The following SETBP1 variants were observed in gnomAD, a reference collection of about 807,000 sequenced individuals.
The protein encoded by SETBP1 is SET-binding protein.
In SETBP1, 9 loss-of-function variants were observed where a neutral mutation model predicts 101.0. The ratio of observed to expected loss-of-function variants is 0.09; its 90% CI spans 0.05 to 0.16. SETBP1 has a LOEUF of 0.16. Ranked by LOEUF, SETBP1 falls within the 10% of genes least tolerant of loss-of-function variation. The probability of loss-of-function intolerance (pLI) is 1.00; values close to 1 mark genes in which losing one functional copy is unlikely to be tolerated. For synonymous variants in SETBP1, 818 were observed against 788.5 expected (o/e 1.04, Z -0.63); for missense variants, 1,858 against 2,033.8 (o/e 0.91, Z 1.66).
At chr18:44,855,701 C>G (rs1237347917) in intron 2 of SETBP1, among the ~76,000 whole-genome samples, 2 of 152,334 alleles carry the variant, frequency 1.3e-5, no homozygotes, top group South Asian at 4.1e-4. Context: ...GTGATTCCCC[C>G]ACCCAGAGAG....
intron 3 of SETBP1, among the ~76,000 whole-genome samples, chr18:44,893,447 A>G (rs2069818537): frequency 6.6e-6 from 1 of 152,158 alleles, no homozygotes; most frequent in African/African-American, 2.4e-5. Context: ...GAGAGGTGAG[A>G]TGCAAACACA....
chr18:45,061,116 T>A (rs901301792), intron 5 of SETBP1, among the ~76,000 whole-genome samples: 2 of 152,264 alleles, frequency 1.3e-5, no homozygotes, highest in Non-Finnish European at 2.9e-5. Context: ...TACTACTGAC[T>A]AGTTGCCATT....
chr18:44,862,290 G>C (rs2069031147), intron 2 of SETBP1, among the ~76,000 whole-genome samples: 1 of 152,336 alleles, frequency 6.6e-6, no homozygotes, highest in South Asian at 2.1e-4. Flanking sequence ...CTTGCTTGGA[G>C]TTATGTACAA....
chr18:44,755,581 T>A (rs1233606804), intron 2 of SETBP1, among the ~76,000 whole-genome samples: 1 of 152,050 alleles, frequency 6.6e-6, no homozygotes, highest in East Asian at 1.9e-4. Flanking sequence ...TTCCCAGGCC[T>A]TAGGCTTCAG....
chr18:44,959,844 G>T (rs948399272), intron 4 of SETBP1, among the ~76,000 whole-genome samples: 2 of 152,212 alleles, frequency 1.3e-5, no homozygotes, highest in Non-Finnish European at 2.9e-5. Flanking sequence ...CCTAGAACAG[G>T]AGCCATGCAA....
At chr18:44,925,270 C>A (rs2070680658) in intron 3 of SETBP1, among the ~76,000 whole-genome samples, 1 of 151,946 alleles carries the variant, frequency 6.6e-6, no homozygotes. Flanking sequence ...AACCTCCTTT[C>A]ATTTCCCCGT....
intron 2 of SETBP1, among the ~76,000 whole-genome samples, chr18:44,728,766 G>A (rs1599041442): frequency 6.6e-6 from 1 of 152,310 alleles, no homozygotes; most frequent in Non-Finnish European, 1.5e-5. Flanking sequence ...AGAGGAAGAA[G>A]GAGAACAGGC....
At chr18:44,797,359 T>C (rs894088156) in intron 2 of SETBP1, among the ~76,000 whole-genome samples, 3 of 152,258 alleles carry the variant, frequency 2.0e-5, no homozygotes, top group Non-Finnish European at 4.4e-5. Flanking sequence ...TAACTGTGTA[T>C]GGCATAGCTT....
intron 2 of SETBP1, among the ~76,000 whole-genome samples, chr18:44,776,588 T>A (rs2071009633): frequency 6.6e-6 from 1 of 152,226 alleles, no homozygotes; most frequent in African/African-American, 2.4e-5. Flanking sequence ...CTTTCCTCTT[T>A]CCCTCTAATT....
chr18:44,929,201 C>T (rs1324938173), intron 3 of SETBP1, among the ~76,000 whole-genome samples: 1 of 152,118 alleles, frequency 6.6e-6, no homozygotes, highest in African/African-American at 2.4e-5. Flanking sequence ...AATCCTTTCC[C>T]CATTTCTTGT....
At chr18:44,714,535 TC>T (rs2069419166) in intron 2 of SETBP1, among the ~76,000 whole-genome samples, 1 of 151,972 alleles carries the variant, frequency 6.6e-6, no homozygotes, top group Admixed American at 6.6e-5. Flanking sequence ...TCAAAACAGC[TC>T]CTGCTTAGTC....
At chr18:44,976,884 TTTA>T (rs1267174947) in intron 4 of SETBP1, among the ~76,000 whole-genome samples, 1 of 152,324 alleles carries the variant, frequency 6.6e-6, no homozygotes, top group East Asian at 1.9e-4. Context: ...GTATTTATAT[TTTA>T]TTATTGTTGG....
chr18:44,873,450 A>G (rs1217852643), intron 3 of SETBP1, among the ~76,000 whole-genome samples: 1 of 152,222 alleles, frequency 6.6e-6, no homozygotes, highest in African/African-American at 2.4e-5. Flanking sequence ...AGTGCAGAAT[A>G]AATTAATTGA....
Position 44,922,891 on chromosome 18 carries a change from A to G in SETBP1, c.541-26990A>G, listed in dbSNP as rs542251649. ...CAGAAGCATTATGATAGGCACTTAC[A>G]GAGACCACTGTATCCTCCAAGGGAT... On this transcript the variant is annotated intron_variant, in intron 3 of 5. Transcript: ENST00000649279. 2.0e-5 allele frequency among the ~76,000 whole-genome samples: 3 copies of G among 152,318 alleles called. No individual in the cohort carries two copies. In the South Asian group the frequency reaches 6.2e-4, roughly 32 times the overall value.
At chr18:44,968,806 C>G (rs2071777698) in intron 4 of SETBP1, among the ~76,000 whole-genome samples, 1 of 152,294 alleles carries the variant, frequency 6.6e-6, no homozygotes, top group African/African-American at 2.4e-5. Context: ...GCAAGACACA[C>G]CAGCAACCAA....
intron 3 of SETBP1, among the ~76,000 whole-genome samples, chr18:44,905,536 G>A (rs1006376933): frequency 2.0e-5 from 3 of 151,964 alleles, no homozygotes; most frequent in African/African-American, 7.3e-5. Context: ...TTTCAGTTAT[G>A]GGTGCTAAGA....
rs543312017 is a variant in SETBP1 at position 44,708,911 on chromosome 18, G to T, written c.486+7079G>T. On this transcript the variant is annotated intron_variant, in intron 2 of 5. Transcript: ENST00000649279. ...CGCTCATTACTATAAACAGATTTTT[G>T]ACCTCTGTTTGGACCCACTGTTCCG... 3.9e-5 allele frequency among the ~76,000 whole-genome samples: 6 copies of T among 152,242 alleles called. No individual in the cohort carries two copies. In the East Asian group the frequency reaches 1.2e-3, roughly 29 times the overall value.
At chr18:44,846,420 C>G (rs1399116860) in intron 2 of SETBP1, among the ~76,000 whole-genome samples, 4 of 152,224 alleles carry the variant, frequency 2.6e-5, no homozygotes. Flanking sequence ...TTTCCATTCC[C>G]TCTCTCCTCA....
chr18:44,745,872 G>T (rs959581589), intron 2 of SETBP1, among the ~76,000 whole-genome samples: 20 of 152,198 alleles, frequency 1.3e-4, no homozygotes, highest in South Asian at 2.1e-4. Context: ...AAGGTAGTTG[G>T]TAAGAGGCGG....
Sources: gnomAD v4.1 joint callset for allele counts (sites outside exome capture counted in the v4.1 genomes callset) on GRCh38, gnomAD v4.1.1 for gene constraint, MANE v1.5 for transcripts, NCBI Gene and HGNC (gene_info 2026-07-23, HGNC 2026-07-21) for gene names.